Variants in NFIA observed in about 807,000 individuals in gnomAD.
NFIA encodes nuclear factor 1 A-type.
A neutral mutation model predicts 62.8 loss-of-function variants in NFIA; 8 were observed. The ratio of observed to expected loss-of-function variants is 0.13; its 90% CI spans 0.07 to 0.23. The LOEUF is 0.23. NFIA is among the 10% of genes least tolerant of loss of function. The pLI is 1.00. For synonymous variants in NFIA, 235 were observed against 238.1 expected (o/e 0.99, Z 0.12); for missense variants, 410 against 642.1 (o/e 0.64, Z 3.91).
intron 2 of NFIA, among the ~76,000 whole-genome samples, chr1:61,235,812 CAAAAAAA>C (rs199585835): frequency 9.4e-6 from 1 of 106,382 alleles, no homozygotes; most frequent in Non-Finnish European, 2.0e-5. Context: ...GATCCTGTCT[CAAAAAAA>C]AAAAAAAGAA....
At chr1:61,185,066 A>G (rs1050035605) in intron 2 of NFIA, among the ~76,000 whole-genome samples, 2 of 152,220 alleles carry the variant, frequency 1.3e-5, no homozygotes, top group African/African-American at 4.8e-5. Flanking sequence ...GATAGCTGCA[A>G]ATTCCAAATA....
At chr1:61,283,729 C>T (rs755437466) in intron 3 of NFIA, among the ~76,000 whole-genome samples, 6 of 151,052 alleles carry the variant, frequency 4.0e-5, no homozygotes, top group Admixed American at 6.6e-5. Context: ...AATTGTGGGC[C>T]TTCTTGTTTA....
intron 2 of NFIA, among the ~76,000 whole-genome samples, chr1:61,127,160 C>G (rs934833826): frequency 1.0e-5 from 1 of 96,614 alleles, no homozygotes; most frequent in Non-Finnish European, 2.1e-5. Flanking sequence ...ACTCCCATCT[C>G]AAAAAAAAAA....
chr1:61,251,419 A>T (rs1656030297), intron 2 of NFIA: 1 of 152,214 alleles, frequency 6.6e-6, no homozygotes, highest in African/African-American at 2.4e-5. Context: ...TGGGAAAGTT[A>T]TGTATATATA....
At chr1:61,271,743 G>A (rs755317324) in intron 2 of NFIA, among the ~76,000 whole-genome samples, 3 of 152,186 alleles carry the variant, frequency 2.0e-5, no homozygotes, top group African/African-American at 4.8e-5. Flanking sequence ...ATCTCCCTTC[G>A]ATAAAGGACT....
intron 2 of NFIA, among the ~76,000 whole-genome samples, chr1:61,155,996 G>A (rs563386263): frequency 2.0e-5 from 3 of 152,238 alleles, no homozygotes; most frequent in Admixed American, 6.5e-5. Context: ...AAATTAGCTC[G>A]GCGTTGCGTG....
chr1:61,358,379 C>CTTTTTTTTT lies in NFIA; in HGVS notation c.819-751_819-743dup, dbSNP rs34853369. On this transcript the variant is annotated intron_variant, in intron 5 of 10. Coordinates refer to ENST00000403491, the MANE Select transcript of NFIA (RefSeq NM_001134673.4). Reference sequence around the variant, plus strand: ...TCATTTTCTTTTCTTTTCTTTCTTTCTTTTTTTTTTTTTTTTTTTTTTTTT... The same window carrying CTTTTTTTTT: ...TCATTTTCTTTTCTTTTCTTTCTTTCTTTTTTTTTTTTTTTTTTTTTTTTTTTTTTTTTT... Among the ~76,000 whole-genome samples, 243 of 52,630 alleles carry CTTTTTTTTT rather than the reference C, an allele frequency of 4.6e-3. 5 individuals carry two copies. Among genetic ancestry groups the CTTTTTTTTT allele is most frequent in the Non-Finnish European group, 5.5e-3 (173 of 31,572 alleles). The allele number at this position is 52,630 out of a possible 152,430, so 34.5% of individuals were successfully genotyped here. A position where few individuals can be genotyped will look rare whatever the true frequency, so the allele number is the denominator to read the frequency against.
chr1:61,256,616 G>T (rs1229601980), intron 2 of NFIA, among the ~76,000 whole-genome samples: 3 of 152,084 alleles, frequency 2.0e-5, no homozygotes, highest in Non-Finnish European at 4.4e-5. Context: ...TCTGAGCCCA[G>T]ATTCTACCTT....
At position 61,402,347 on chromosome 1, in the gene NFIA, G is replaced by A. The variant is rs377368432; in HGVS notation, c.1076-1757G>A. 3.4e-4 allele frequency among the ~76,000 whole-genome samples: 52 copies of A among 152,146 alleles called. No homozygotes were observed. In the South Asian group the frequency reaches 8.5e-3, roughly 25 times the overall value. Reference sequence around the variant, plus strand: ...GCCACCGTACCAGGCCAGTTTTACCGATTTTTCTAAAAGCTCCCTGGCTCT... The same window carrying A: ...GCCACCGTACCAGGCCAGTTTTACCAATTTTTCTAAAAGCTCCCTGGCTCT... On this transcript the variant is annotated intron_variant, in intron 7 of 10. Coordinates refer to ENST00000403491, the MANE Select transcript of NFIA (RefSeq NM_001134673.4).
intron 2 of NFIA, among the ~76,000 whole-genome samples, chr1:61,190,258 T>A (rs368528076): frequency 6.6e-6 from 1 of 152,220 alleles, no homozygotes; most frequent in Admixed American, 6.5e-5. Flanking sequence ...TTCATCAGAA[T>A]AGATTCCATC....
chr1:61,292,324 G>C (rs1415209032), intron 3 of NFIA, among the ~76,000 whole-genome samples: 1 of 152,124 alleles, frequency 6.6e-6, no homozygotes, highest in Non-Finnish European at 1.5e-5. Context: ...ATATTTTAGG[G>C]TGAATGAATG....
At chr1:61,329,705 T>C (rs1458631268) in intron 3 of NFIA, among the ~76,000 whole-genome samples, 2 of 152,186 alleles carry the variant, frequency 1.3e-5, no homozygotes, top group Admixed American at 1.3e-4. Context: ...TTCTGTAAAC[T>C]CCCTGAAGGT....
At chr1:61,304,313 A>G (rs1401888996) in intron 3 of NFIA, among the ~76,000 whole-genome samples, 1 of 152,180 alleles carries the variant, frequency 6.6e-6, no homozygotes, top group Non-Finnish European at 1.5e-5. Flanking sequence ...TCAGGGTGAC[A>G]TCATTGAGCT....
intron 2 of NFIA, among the ~76,000 whole-genome samples, chr1:61,203,388 G>C (rs761351864): frequency 1.3e-5 from 2 of 152,082 alleles, no homozygotes; most frequent in Non-Finnish European, 2.9e-5. Context: ...CGAGTTCCAC[G>C]GGATGGCTCA....
chr1:61,127,404 C>G (rs1468153128), intron 2 of NFIA, among the ~76,000 whole-genome samples: 1 of 149,644 alleles, frequency 6.7e-6, no homozygotes, highest in African/African-American at 2.5e-5. Context: ...TTGCAGTGAG[C>G]TGAGATCGCA....
At chr1:61,264,269 C>T (rs58114691) in intron 2 of NFIA, among the ~76,000 whole-genome samples, 34 of 152,172 alleles carry the variant, frequency 2.2e-4, no homozygotes, top group African/African-American at 7.2e-4. Context: ...ATTGAAATAG[C>T]ACGTATGTTA....
In NFIA at chr1:61,349,610, A is replaced by G. The variant is rs538999220; in HGVS notation, c.701-2840A>G. On this transcript the variant is annotated intron_variant, in intron 4 of 10. Transcript: ENST00000403491. ...TTTATTCGAGATGGGTTCTCACTCC[A>G]TTGCCCAGGCTGGAGTTGTAGTGAC... Among the ~76,000 whole-genome samples, 8 of 152,082 alleles carry G rather than the reference A, an allele frequency of 5.3e-5. No homozygotes were observed. In the East Asian group the frequency reaches 1.4e-3, roughly 26 times the overall value.
chr1:61,222,146 T>C (rs567981558), intron 2 of NFIA, among the ~76,000 whole-genome samples: 1 of 152,290 alleles, frequency 6.6e-6, no homozygotes, highest in Admixed American at 6.5e-5. Flanking sequence ...AAATGGATAG[T>C]GTGGGCTCTT....
chr1:61,256,044 A>T (rs979813501), intron 2 of NFIA, among the ~76,000 whole-genome samples: 1 of 152,150 alleles, frequency 6.6e-6, no homozygotes, highest in Admixed American at 6.5e-5. Context: ...CCTCGACCAC[A>T]TTGGAAGAAG....
Sources: gnomAD v4.1 joint callset for allele counts (sites outside exome capture counted in the v4.1 genomes callset) on GRCh38, gnomAD v4.1.1 for gene constraint, MANE v1.5 for transcripts, NCBI Gene and HGNC (gene_info 2026-07-23, HGNC 2026-07-21) for gene names.